The following PDE4A variants were observed in gnomAD, a reference collection of about 807,000 sequenced individuals.
The protein encoded by PDE4A is phosphodiesterase 4A.
A neutral mutation model predicts 73.9 loss-of-function variants in PDE4A; 21 were observed. The observed-to-expected ratio is 0.28, with a 90% confidence interval of 0.20 to 0.41. PDE4A has a LOEUF of 0.41. PDE4A is among the 10% of genes least tolerant of loss of function. The pLI is 1.00. For synonymous variants in PDE4A, 463 were observed against 505.4 expected, an observed-to-expected ratio of 0.92 and a Z score of 1.13; for missense variants, 958 against 1,211.4, an observed-to-expected ratio of 0.79 and a Z score of 3.10.
intron 1 of PDE4A, among the ~76,000 whole-genome samples, chr19:10,428,397 TGAGA>T (rs151327420): frequency 1.7e-4 from 20 of 116,090 alleles, no homozygotes; most frequent in African/African-American, 2.6e-4. Flanking sequence ...AGAGAGATAT[TGAGA>T]GAGAGAGAGA....
chr19:10,420,336 C>A (rs2042631690), upstream of PDE4A: 2 of 963,646 alleles, frequency 2.1e-6, no homozygotes, highest in African/African-American at 1.8e-5. The surrounding 1 kb of genome is among the most constrained non-coding windows in gnomAD (Gnocchi z 6.0). Flanking sequence ...AGTTCCAGCG[C>A]CCCCTCCCAG....
rs1475835446 is a variant in PDE4A, at chr19:10,458,494, G to T, written c.1101+392G>T. 6.6e-6 allele frequency among the ~76,000 whole-genome samples: 1 copy of T among 152,206 alleles called. No individual in the cohort carries two copies. Among genetic ancestry groups the T allele is most frequent in the Admixed American group, 6.5e-5 (1 of 15,274 alleles). On this transcript the variant is annotated intron_variant, in intron 8 of 14. Transcript: ENST00000380702. The surrounding 1 kb of genome is among the most constrained non-coding windows in gnomAD (Gnocchi z 4.6). ...TGTTTCACTCCTAGCTCTTCCAGGG[G>T]ACAGCGGCAGTGGAAGTGATCCATC...
intron 1 of PDE4A, among the ~76,000 whole-genome samples, chr19:10,430,239 G>A (rs935763317): frequency 6.6e-6 from 1 of 151,988 alleles, no homozygotes; most frequent in Non-Finnish European, 1.5e-5. Flanking sequence ...GGCATCCCTG[G>A]CATTTGTGGA....
intron 5 of PDE4A, 46 bp from the exon 6 acceptor site, chr19:10,450,783 T>C: frequency 6.3e-7 from 1 of 1,581,038 alleles, no homozygotes; most frequent in South Asian, 1.2e-5. Flanking sequence ...TCTGGGCTTC[T>C]GCCTACAGAC....
intron 2 of PDE4A, among the ~76,000 whole-genome samples, chr19:10,447,035 A>T (rs1246593495): frequency 6.7e-6 from 1 of 150,104 alleles, no homozygotes; most frequent in African/African-American, 2.5e-5. Context: ...AGTAGTTGGG[A>T]CTACAGGCAC....
intron 14 of PDE4A, among the ~76,000 whole-genome samples, chr19:10,466,585 C>T (rs1214739089): frequency 6.6e-6 from 1 of 151,858 alleles, no homozygotes; most frequent in Non-Finnish European, 1.5e-5. Context: ...GCAATCTCCG[C>T]CTCCCAGGTT....
intron 10 of PDE4A, among the ~76,000 whole-genome samples, chr19:10,460,326 C>T (rs1305974279): frequency 6.6e-6 from 1 of 151,806 alleles, no homozygotes; most frequent in African/African-American, 2.4e-5. Context: ...TGGTGAAACA[C>T]TGTCTTTACT....
At position 10,449,005 on chromosome 19, in the gene PDE4A, C is replaced by T. The variant is rs2043051967; in HGVS notation, c.549+52C>T. 1.9e-6 allele frequency: 3 copies of T among 1,611,672 alleles called. No individual in the cohort carries two copies. The South Asian group carries it at 3.3e-5, about 18-fold the overall frequency. On this transcript the variant is annotated intron_variant, in intron 3 of 14. Transcript: ENST00000380702. ...GAGAGAAGGGGCTCCAATGCTCCGC[C>T]ACACTTGGGGACAGGGCCCAGCCCC...
At chr19:10,423,007 T>C in intron 1 of PDE4A, 1 of 550,280 alleles carries the variant, frequency 1.8e-6, no homozygotes, top group African/African-American at 2.0e-5. Context: ...ATCATTATTT[T>C]GGTGGGTATC....
chr19:10,432,494 C>G (rs2042807969), intron 1 of PDE4A: 1 of 1,515,252 alleles, frequency 6.6e-7, no homozygotes, highest in Non-Finnish European at 8.8e-7. Flanking sequence ...CACTGCCCCC[C>G]ACGGGCCCCG....
intron 14 of PDE4A, chr19:10,464,459 C>T (rs1278957263): frequency 6.6e-6 from 3 of 454,984 alleles, no homozygotes; most frequent in Non-Finnish European, 1.3e-5. Context: ...CACTGTTGCC[C>T]AGGGTAGCAT....
intron 7 of PDE4A, among the ~76,000 whole-genome samples, chr19:10,456,483 G>A (rs532144642): frequency 7.3e-5 from 11 of 151,650 alleles, no homozygotes; most frequent in East Asian, 3.9e-4. Flanking sequence ...CTGAGATAGC[G>A]TCACTGCACT....
rs2043207907 is a variant in PDE4A at position 10,458,567 on chromosome 19, C to G, written c.1101+465C>G. ...GCTTATTGTAACCCTCTTTGAGCCA[C>G]CTCCTCCAGTGAATCTTCCATTCAG... On this transcript the variant is annotated intron_variant, in intron 8 of 14. Coordinates refer to ENST00000380702, the MANE Select transcript of PDE4A (RefSeq NM_001111307.2). This position sits in a 1 kb window ranked among gnomAD's most constrained non-coding sequence, Gnocchi z 4.6. 6.6e-6 allele frequency among the ~76,000 whole-genome samples: 1 copy of G among 152,198 alleles called. No individual in the cohort carries two copies. Among genetic ancestry groups the G allele is most frequent in the African/African-American group, 2.4e-5 (1 of 41,452 alleles).
Position 10,465,472 on chromosome 19 carries a change from G to A in PDE4A, c.1927-1415G>A, listed in dbSNP as rs563930424. The stretch of plus-strand genomic sequence containing the variant: ...CGACCTCAGGTGATCCGCCCACCTC[G>A]GCCTCCCAAAGTGCTGGGATTACAG... On this transcript the variant is annotated intron_variant, in intron 14 of 14. Transcript: ENST00000380702. Among the ~76,000 whole-genome samples the A allele has an allele frequency of 3.5e-3, 524 of 148,942 alleles. 1 individual carries two copies. Among genetic ancestry groups the A allele is most frequent in the African/African-American group, 0.012 (498 of 40,484 alleles).
chr19:10,417,587 G>A, upstream of PDE4A: 3 of 1,501,490 alleles, frequency 2.0e-6, no homozygotes, highest in Non-Finnish European at 2.7e-6. Flanking sequence ...AGCTAGGTAG[G>A]GGTGTTCTTG....
At chr19:10,430,740 G>T (rs1360243944) in intron 1 of PDE4A, 5 of 276,112 alleles carry the variant, frequency 1.8e-5, no homozygotes, top group African/African-American at 1.1e-4. Context: ...CGACAGGGCG[G>T]GGTGGGGCCC....
At chr19:10,460,420 A>G (rs2043244589) in intron 10 of PDE4A, among the ~76,000 whole-genome samples, 2 of 151,254 alleles carry the variant, frequency 1.3e-5, no homozygotes, top group Non-Finnish European at 2.9e-5. Context: ...AATCGCTGGA[A>G]CCCAGTAGGT....
Position 10,420,903 on chromosome 19 carries a change from G to T in PDE4A, c.139G>T (p.Gly47Cys), listed in dbSNP as rs763203849. The T allele has an allele frequency of 3.0e-5, 48 of 1,587,300 alleles. No individual in the cohort carries two copies. The highest frequency in any genetic ancestry group is 1.0e-4 in the Admixed American group (6 of 59,110). Residue 47 changes from glycine (G) to cysteine (C), a missense_variant, in exon 1 of 15, where the codon GGC becomes TGC. This residue lies in a region of PDE4A where 145 missense variants were observed against 137.8 expected (regional missense o/e 1.05). Transcript: ENST00000380702. The surrounding 1 kb of genome is among the most constrained non-coding windows in gnomAD (Gnocchi z 6.0). ...GACCCCCATCCGTATCCAGCAGCGC[G>T]GCTACTCCGACAGCGCGGAGCGCGC... ...PRTPIRIQQR[G>C]YSDSAERAER...
At chr19:10,466,488 A>C (rs1260867394) in intron 14 of PDE4A, among the ~76,000 whole-genome samples, 1 of 145,500 alleles carries the variant, frequency 6.9e-6, no homozygotes, top group Non-Finnish European at 1.5e-5. Context: ...AACTGCATCA[A>C]TGTATACATT....
Sources: gnomAD v4.1 joint callset for allele counts (sites outside exome capture counted in the v4.1 genomes callset) on GRCh38, gnomAD v4.1.1 for gene constraint, gnomAD v4.1.1 regional missense constraint, Gnocchi (gnomAD v3.1) non-coding constraint, MANE v1.5 for transcripts, NCBI Gene and HGNC (gene_info 2026-07-23, HGNC 2026-07-21) for gene names.